STPG2: variants seen among roughly 807,000 people sequenced by gnomAD.
STPG2 encodes sperm-tail PG-rich repeat-containing protein 2.
STPG2 carries 56 observed loss-of-function variants against 54.2 expected under a neutral mutation model. The ratio of observed to expected loss-of-function variants is 1.03; its 90% CI spans 0.83 to 1.29. STPG2 has a LOEUF of 1.29. Ranked by LOEUF, STPG2 falls within the 50% of genes most tolerant of loss-of-function variation. STPG2 has a pLI of 0.00. For synonymous variants in STPG2, 200 were observed against 181.8 expected, an observed-to-expected ratio of 1.10 and a Z score of -0.81; for missense variants, 596 against 544.9, an observed-to-expected ratio of 1.09 and a Z score of -0.93.
intron 4 of STPG2, among the ~76,000 whole-genome samples, chr4:97,521,344 A>G (rs1390860150): frequency 6.6e-6 from 1 of 152,050 alleles, no homozygotes; most frequent in Non-Finnish European, 1.5e-5. Context: ...CTCTAATTTA[A>G]TTGATTGGAA....
intron 9 of STPG2, among the ~76,000 whole-genome samples, chr4:97,736,237 G>T (rs1203297708): frequency 2.0e-5 from 3 of 152,192 alleles, no homozygotes; most frequent in Non-Finnish European, 4.4e-5. Context: ...AGCCAAGATG[G>T]CCGAATAGGA....
chr4:97,722,440 A>G lies in STPG2; in HGVS notation c.1205-9626T>C, dbSNP rs181508466. On this transcript the variant is annotated intron_variant, in intron 9 of 10. Transcript: ENST00000295268. ...AACTCCAGTCTTTTTAGAGAACTTCATCATTAAAATCAGAGCCTTATGTGT... is the reference window on the plus strand; with the variant it reads ...AACTCCAGTCTTTTTAGAGAACTTCGTCATTAAAATCAGAGCCTTATGTGT... Among the ~76,000 whole-genome samples, 790 of 152,276 alleles carry G rather than the reference A, an allele frequency of 5.2e-3. 10 individuals carry two copies. The highest frequency in any genetic ancestry group is 0.018 in the African/African-American group (739 of 41,554).
chr4:97,858,453 T>C (rs1560557587), intron 8 of STPG2, among the ~76,000 whole-genome samples: 1 of 152,172 alleles, frequency 6.6e-6, no homozygotes, highest in African/African-American at 2.4e-5. Context: ...TGGTTTTCAG[T>C]TGCACAAAGA....
intron 9 of STPG2, among the ~76,000 whole-genome samples, chr4:97,720,494 C>T (rs1578505737): frequency 6.6e-6 from 1 of 152,080 alleles, no homozygotes; most frequent in Admixed American, 6.5e-5. Context: ...TGTCTCAGCA[C>T]CTCCAAAACC....
intron 8 of STPG2, among the ~76,000 whole-genome samples, chr4:97,871,100 G>A (rs1729971303): frequency 6.6e-6 from 1 of 150,716 alleles, no homozygotes; most frequent in Non-Finnish European, 1.5e-5. Flanking sequence ...TCAAATTATA[G>A]AATTTCTGAA....
intron 9 of STPG2, 131 bp downstream of exon 9, chr4:97,840,642 A>G: frequency 1.0e-6 from 1 of 1,001,770 alleles, no homozygotes; most frequent in South Asian, 1.8e-5. Flanking sequence ...ACTGATGAGA[A>G]AAATGGTTTT....
chr4:98,140,834 AAAAC>A (rs1189259507), intron 1 of STPG2, among the ~76,000 whole-genome samples: 8 of 152,212 alleles, frequency 5.3e-5, no homozygotes, highest in African/African-American at 1.9e-4. Flanking sequence ...AAAGAAGAGA[AAAAC>A]AAACAAAAGT....
intron 10 of STPG2, among the ~76,000 whole-genome samples, chr4:97,591,750 T>G (rs1167524867): frequency 6.6e-6 from 1 of 152,172 alleles, no homozygotes; most frequent in Non-Finnish European, 1.5e-5. Flanking sequence ...AGGCATACAC[T>G]AACCTTCTCA....
chr4:97,829,318 T>G (rs1728365991), intron 9 of STPG2, among the ~76,000 whole-genome samples: 1 of 151,996 alleles, frequency 6.6e-6, no homozygotes, highest in Admixed American at 6.6e-5. Flanking sequence ...CAGAAAGGGA[T>G]AGCATCAACA....
intron 10 of STPG2, among the ~76,000 whole-genome samples, chr4:97,625,051 A>G (rs1734106030): frequency 6.6e-6 from 1 of 152,182 alleles, no homozygotes; most frequent in African/African-American, 2.4e-5. Flanking sequence ...CTTCACCAGA[A>G]TCTGAACTGG....
intron 10 of STPG2, among the ~76,000 whole-genome samples, chr4:97,589,388 A>T (rs1386408787): frequency 6.6e-6 from 1 of 152,144 alleles, no homozygotes; most frequent in Non-Finnish European, 1.5e-5. Context: ...ATTAAAAAAT[A>T]TATAAATATT....
intron 6 of STPG2, among the ~76,000 whole-genome samples, chr4:97,975,853 A>G (rs1734481334): frequency 6.6e-6 from 1 of 152,188 alleles, no homozygotes; most frequent in Non-Finnish European, 1.5e-5. Context: ...CTAAATGTAA[A>G]TTGACTATTT....
intron 5 of STPG2, among the ~76,000 whole-genome samples, chr4:98,001,726 G>A (rs1423950045): frequency 6.6e-6 from 1 of 152,084 alleles, no homozygotes; most frequent in Non-Finnish European, 1.5e-5. Context: ...CTTATCCTCA[G>A]GAGCAGCATT....
intron 5 of STPG2, chr4:98,025,708 G>C (rs1254083806): frequency 1.4e-6 from 2 of 1,391,996 alleles, no homozygotes. Context: ...TGGCCTGCAG[G>C]CTACTCAATA....
rs577222820 is a variant in STPG2, at chr4:97,981,889, C to CTT, written c.613-573_613-572dup. Among the ~76,000 whole-genome samples the CTT allele has an allele frequency of 8.7e-3, 1,215 of 139,384 alleles. 19 individuals are homozygous for CTT. Among genetic ancestry groups the CTT allele is most frequent in the African/African-American group, 0.03 (1,153 of 37,820 alleles). 91.4% of individuals were successfully genotyped at this position (139,384 alleles called of 152,430 possible). ...TTCATGAGATATAGCACTGTATAAT[C>CTT]TTTTTTTTTTTTTGAGACGGAGTCT... On this transcript the variant is annotated intron_variant, in intron 5 of 10. Transcript: ENST00000295268.
At chr4:98,118,416 T>C (rs1560687480) in intron 3 of STPG2, among the ~76,000 whole-genome samples, 1 of 152,092 alleles carries the variant, frequency 6.6e-6, no homozygotes, top group Non-Finnish European at 1.5e-5. Flanking sequence ...ATTAAGCAAA[T>C]AGGTACATAA....
intron 8 of STPG2, among the ~76,000 whole-genome samples, chr4:97,919,795 G>A (rs1369416769): frequency 6.6e-6 from 1 of 152,030 alleles, no homozygotes; most frequent in Non-Finnish European, 1.5e-5. Context: ...AATTCAGGGG[G>A]ATACTCTTTT....
At chr4:97,916,043 T>C (rs1403213524) in intron 8 of STPG2, among the ~76,000 whole-genome samples, 1 of 152,124 alleles carries the variant, frequency 6.6e-6, no homozygotes, top group East Asian at 1.9e-4. Context: ...AACTCGGCAA[T>C]CACTGCATTT....
intron 9 of STPG2, among the ~76,000 whole-genome samples, chr4:97,810,215 C>T (rs1727692461): frequency 6.6e-6 from 1 of 152,050 alleles, no homozygotes; most frequent in South Asian, 2.1e-4. Context: ...CCTATAATCC[C>T]AACACTCTGG....
Sources: gnomAD v4.1 joint callset for allele counts (sites outside exome capture counted in the v4.1 genomes callset) on GRCh38, gnomAD v4.1.1 for gene constraint, MANE v1.5 for transcripts, NCBI Gene and HGNC (gene_info 2026-07-23, HGNC 2026-07-21) for gene names.